HPGD: variants seen among roughly 807,000 people sequenced by gnomAD.
The protein encoded by HPGD is 15-hydroxyprostaglandin dehydrogenase [NAD(+)].
A neutral mutation model predicts 30.0 loss-of-function variants in HPGD; 29 were observed. The observed-to-expected ratio is 0.97, with a 90% CI of 0.72 to 1.32. The LOEUF is 1.32. Among genes scored for constraint, HPGD ranks in the 40% most tolerant of loss-of-function variants. The pLI, the probability that HPGD is intolerant of heterozygous loss-of-function variation, is 0.00. For synonymous variants in HPGD, 99 were observed against 112.4 expected, an observed-to-expected ratio of 0.88 and a Z score of 0.75; for missense variants, 340 against 322.1, an observed-to-expected ratio of 1.06 and a Z score of -0.43.
chr4:174,499,890 C>T (rs1466767633), intron 4 of HPGD, among the ~76,000 whole-genome samples: 1 of 152,060 alleles, frequency 6.6e-6, no homozygotes, highest in African/African-American at 2.4e-5. Flanking sequence ...ACACTCTTTC[C>T]CTACATGATT....
chr4:174,504,489 T>C (rs187222188), intron 4 of HPGD, among the ~76,000 whole-genome samples: 3 of 152,116 alleles, frequency 2.0e-5, no homozygotes, highest in Admixed American at 2.0e-4. Flanking sequence ...CTCCTTTTCC[T>C]GTGACAATAA....
intron 4 of HPGD, among the ~76,000 whole-genome samples, chr4:174,500,149 G>C (rs6835564): frequency 6.6e-6 from 1 of 152,014 alleles, no homozygotes; most frequent in Non-Finnish European, 1.5e-5. Flanking sequence ...AACAACAAAC[G>C]AAAAAGAAAA....
rs183550949 is a variant in HPGD, at chr4:174,519,124, C to T, written c.218-1047G>A. Among the ~76,000 whole-genome samples the T allele has an allele frequency of 2.8e-4, 42 of 152,184 alleles. No homozygotes were observed. In the East Asian group the frequency reaches 7.5e-3, roughly 27 times the overall value. On this transcript the variant is annotated intron_variant, in intron 2 of 6. Transcript: ENST00000296522. ...GATAAATTACTATGCTAGTTGTTTA[C>T]TAAAAACATTTTCAAGATTTCCTAA...
intron 2 of HPGD, among the ~76,000 whole-genome samples, chr4:174,521,144 A>ATTTTACT (rs1736083296): frequency 6.7e-6 from 1 of 148,854 alleles, no homozygotes; most frequent in East Asian, 2.0e-4. Context: ...AAATACAAAT[A>ATTTTACT]TTTTACTTTT....
At chr4:174,511,088 G>A (rs1164131317) in intron 3 of HPGD, among the ~76,000 whole-genome samples, 3 of 152,050 alleles carry the variant, frequency 2.0e-5, no homozygotes, top group Admixed American at 2.0e-4. Context: ...TCCTCCCTGG[G>A]AAGCTCAATA....
At chr4:174,512,222 T>C (rs1000948086) in intron 3 of HPGD, among the ~76,000 whole-genome samples, 1 of 152,186 alleles carries the variant, frequency 6.6e-6, no homozygotes, top group Non-Finnish European at 1.5e-5. Flanking sequence ...CAAAATATCA[T>C]ATACAGGTAA....
rs539186509 is a variant in HPGD, at chr4:174,508,944, T to C, written c.325-152A>G. The C allele has an allele frequency of 2.1e-4, 140 of 660,580 alleles. No homozygotes were observed. The African/African-American group carries it at 2.2e-3, about 10-fold the overall frequency. 40.9% of individuals were successfully genotyped at this position (660,580 alleles called of 1,614,324 possible). ...TTTTAAAAGAGCTTTGTTTTTAAAGTTAGTCATTAAACCTGGATTCTTTGG... is the reference window on the plus strand; with the variant it reads ...TTTTAAAAGAGCTTTGTTTTTAAAGCTAGTCATTAAACCTGGATTCTTTGG... On this transcript the variant is annotated intron_variant, in intron 3 of 6. Transcript: ENST00000296522.
chr4:174,502,705 T>G (rs1161093744), intron 4 of HPGD, among the ~76,000 whole-genome samples: 1 of 142,418 alleles, frequency 7.0e-6, no homozygotes, highest in Non-Finnish European at 1.5e-5. Flanking sequence ...AAGTGACACA[T>G]GCTTTCATAA....
At chr4:174,515,966 G>A (rs2081654) in intron 3 of HPGD, among the ~76,000 whole-genome samples, 40,175 of 151,918 alleles carry the variant, frequency 0.26, 5,840 homozygotes, top group East Asian at 0.64. Flanking sequence ...CTATCATTAA[G>A]AAGTAAAAAA....
intron 3 of HPGD, 31 bp from the exon 4 acceptor site, chr4:174,508,823 T>C: frequency 1.8e-6 from 2 of 1,128,302 alleles, no homozygotes; most frequent in East Asian, 2.3e-5. Flanking sequence ...AGAAAAGGAA[T>C]ACAGTCATTA....
intron 3 of HPGD, among the ~76,000 whole-genome samples, chr4:174,513,631 T>C (rs2110854581): frequency 1.3e-5 from 2 of 152,152 alleles, no homozygotes; most frequent in Middle Eastern, 6.8e-3. Context: ...TTCCCAGTTG[T>C]GTCTAACTAC....
intron 4 of HPGD, among the ~76,000 whole-genome samples, chr4:174,503,668 A>G (rs191426800): frequency 5.3e-4 from 80 of 151,378 alleles, no homozygotes; most frequent in Non-Finnish European, 8.4e-4. Flanking sequence ...TTCTTCGGCT[A>G]TTGGAGTCCC....
rs1427411671 is a variant in HPGD at position 174,522,209 on chromosome 4, G to A, written c.94-142C>T. 3 of 1,429,178 alleles carry A rather than the reference G, an allele frequency of 2.1e-6. No homozygotes were observed. In the African/African-American group the frequency reaches 4.2e-5, roughly 20 times the overall value. 88.5% of individuals were successfully genotyped at this position (1,429,178 alleles called of 1,614,324 possible). A position where few individuals can be genotyped will look rare whatever the true frequency, so the allele number is the denominator to read the frequency against. On this transcript the variant is annotated intron_variant, in intron 1 of 6. Coordinates refer to ENST00000296522, the MANE Select transcript of HPGD (RefSeq NM_000860.6). ...TCCCTCCCAGCCACTTCTGAGGTGT[G>A]CTCACAGCCTCAGCTTCAGCAAATT...
intron 4 of HPGD, among the ~76,000 whole-genome samples, chr4:174,505,107 G>A (rs1443641655): frequency 6.6e-6 from 1 of 152,234 alleles, no homozygotes; most frequent in Non-Finnish European, 1.5e-5. Context: ...ATAATCTGCT[G>A]AGGAATCATT....
chr4:174,492,057 CA>C lies in HPGD; in HGVS notation c.699del (p.Ile233MetfsTer6). The C allele has an allele frequency of 6.2e-7, 1 of 1,610,346 alleles. No homozygotes were observed. Among genetic ancestry groups the C allele is most frequent in the Non-Finnish European group, 8.5e-7 (1 of 1,177,050 alleles). The part of the protein sequence containing the change: ...PLIANGLITL[I>X]EDDALNGAIM... The stretch of plus-strand genomic sequence containing the variant: ...ATAGCACCATTTAAAGCATCATCTT[CA>C]ATGAGTGTTATCAATCCATTGGCAA... On this transcript the variant is annotated frameshift_variant, in exon 7 of 7. Transcript: ENST00000296522. LOFTEE classifies it high-confidence loss of function. This position sits in a 1 kb window ranked among gnomAD's most constrained non-coding sequence, Gnocchi z 4.9.
At chr4:174,506,375 C>T (rs1579287077) in intron 4 of HPGD, among the ~76,000 whole-genome samples, 1 of 152,120 alleles carries the variant, frequency 6.6e-6, no homozygotes, top group Middle Eastern at 3.2e-3. Flanking sequence ...TCAATTGAAA[C>T]GATTTCAGTT....
Position 174,500,204 on chromosome 4 carries a change from CAAT to C in HPGD, c.422-4583_422-4581del, listed in dbSNP as rs1303771857. Reference sequence around the variant, plus strand: ...TATAGGAAATTTCAAATTAAAACAACAATGAGATTCTACTACACACATTAGAAT... The same window carrying C: ...TATAGGAAATTTCAAATTAAAACAACGAGATTCTACTACACACATTAGAAT... On this transcript the variant is annotated intron_variant, in intron 4 of 6. Transcript: ENST00000296522. 8.5e-5 allele frequency among the ~76,000 whole-genome samples: 13 copies of C among 152,272 alleles called. No homozygotes were observed. The East Asian group carries it at 1.4e-3, about 16-fold the overall frequency.
At chr4:174,499,831 A>C (rs1292953102) in intron 4 of HPGD, among the ~76,000 whole-genome samples, 3 of 152,040 alleles carry the variant, frequency 2.0e-5, no homozygotes, top group Non-Finnish European at 4.4e-5. Context: ...ACCCATAAAC[A>C]TGCTGGAAAA....
At chr4:174,506,349 A>G (rs1397672413) in intron 4 of HPGD, among the ~76,000 whole-genome samples, 1 of 152,214 alleles carries the variant, frequency 6.6e-6, no homozygotes, top group Non-Finnish European at 1.5e-5. Flanking sequence ...GAGACTAGCA[A>G]ATTGCAAGGG....
Sources: gnomAD v4.1 joint callset for allele counts (sites outside exome capture counted in the v4.1 genomes callset) on GRCh38, gnomAD v4.1.1 for gene constraint, Gnocchi (gnomAD v3.1) non-coding constraint, MANE v1.5 for transcripts, NCBI Gene and HGNC (gene_info 2026-07-23, HGNC 2026-07-21) for gene names.